The following NRP2 variants were observed in gnomAD, a reference collection of about 807,000 sequenced individuals.
NRP2 encodes neuropilin 2, also known as neuropilin-2.
Under a neutral mutation model 110.4 loss-of-function variants are expected in NRP2, and 52 were observed. That is an observed-to-expected ratio of 0.47 (90% confidence interval 0.38 to 0.59). The LOEUF (loss-of-function observed/expected upper bound fraction) is 0.59. Among genes scored for constraint, NRP2 ranks in the 20% least tolerant of loss-of-function variants. The pLI, the probability that NRP2 is intolerant of heterozygous loss-of-function variation, is 0.00. For synonymous variants in NRP2, 508 were observed against 468.9 expected, an observed-to-expected ratio of 1.08 and a Z score of -1.08; for missense variants, 1,049 against 1,203.0, an observed-to-expected ratio of 0.87 and a Z score of 1.89.
intron 12 of NRP2, 93 bp downstream of exon 12, chr2:205,753,068 C>T: frequency 1.3e-6 from 2 of 1,500,538 alleles, no homozygotes; most frequent in South Asian, 2.3e-5. Flanking sequence ...TCATAACTTC[C>T]CACCGCACAG....
chr2:205,777,021 C>T lies in NRP2; in HGVS notation c.2425+10218C>T, dbSNP rs529912487. 4.6e-5 allele frequency: 47 copies of T among 1,024,474 alleles called. No individual in the cohort carries two copies. In the African/African-American group the frequency reaches 6.5e-4, roughly 14 times the overall value. 63.5% of individuals were successfully genotyped at this position (1,024,474 alleles called of 1,614,324 possible). On this transcript the variant is annotated intron_variant, in intron 15 of 16. Coordinates refer to ENST00000357785, the MANE Select transcript of NRP2 (RefSeq NM_003872.3). ...CTGGTTCATTGTGTGTGTGTTTGGG[C>T]GAGGGGTGAGTGTTCAGAGAGGGCC...
chr2:205,703,426 A>G (rs2056604033), intron 2 of NRP2, among the ~76,000 whole-genome samples: 2 of 152,220 alleles, frequency 1.3e-5, no homozygotes. Flanking sequence ...TACTCTTTCC[A>G]TTTTACAGAT....
chr2:205,712,812 ACT>A lies in NRP2; in HGVS notation c.252-3378_252-3377del, dbSNP rs1480453417. The stretch of plus-strand genomic sequence containing the variant: ...GGGGGATTTCAGCTGCCGAACTGTA[ACT>A]CTGTGTCACTTCCCCTCAAGCAAAC... On this transcript the variant is annotated intron_variant, in intron 2 of 16. Coordinates refer to ENST00000357785, the MANE Select transcript of NRP2 (RefSeq NM_003872.3). 2.6e-5 allele frequency among the ~76,000 whole-genome samples: 4 copies of A among 152,180 alleles called. No individual in the cohort carries two copies. The East Asian group carries it at 5.8e-4, about 22-fold the overall frequency.
At chr2:205,766,838 T>G (rs1410896866) in intron 15 of NRP2, 35 bp downstream of exon 15, 1 of 1,597,476 alleles carries the variant, frequency 6.3e-7, no homozygotes, top group Non-Finnish European at 8.5e-7. Flanking sequence ...AATTTTTTTT[T>G]TGCATGCTTT....
At chr2:205,734,396 A>ACCCACCCCCCCCCC (rs2057302132) in intron 7 of NRP2, among the ~76,000 whole-genome samples, 1 of 77,278 alleles carries the variant, frequency 1.3e-5, no homozygotes, top group Admixed American at 1.3e-4. Flanking sequence ...ATCATTTCCC[A>ACCCACCCCCCCCCC]CCGCCCCCCC....
intron 14 of NRP2, among the ~76,000 whole-genome samples, chr2:205,766,540 G>A (rs571893795): frequency 6.6e-6 from 1 of 152,254 alleles, no homozygotes; most frequent in African/African-American, 2.4e-5. Flanking sequence ...ATTTCTTGAT[G>A]AAGGACTTTT....
chr2:205,701,267 A>C (rs2056550555), intron 2 of NRP2: 1 of 152,374 alleles, frequency 6.6e-6, no homozygotes, highest in Non-Finnish European at 1.5e-5. Context: ...AAGCACTGGT[A>C]ATTTCTACCT....
intron 11 of NRP2, among the ~76,000 whole-genome samples, chr2:205,750,933 G>A (rs1335620983): frequency 6.6e-6 from 1 of 152,162 alleles, no homozygotes; most frequent in Non-Finnish European, 1.5e-5. Flanking sequence ...TTATGTGACT[G>A]AAAAAGCAAT....
In NRP2 at chr2:205,723,775, G is replaced by A. The variant is rs1352047955; in HGVS notation, c.665-10G>A. The A allele has an allele frequency of 4.3e-6, 7 of 1,614,094 alleles. No homozygotes were observed. In the South Asian group the frequency reaches 7.7e-5, roughly 18 times the overall value. On this transcript the variant is annotated splice_polypyrimidine_tract_variant and intron_variant, in intron 4 of 16. Coordinates refer to ENST00000357785, the MANE Select transcript of NRP2 (RefSeq NM_003872.3). ...ATTTCCACTGACTTCTCTTTGTCTTGAATGTCCAGTTGGCCCCCTGATTGG... is the reference window on the plus strand; with the variant it reads ...ATTTCCACTGACTTCTCTTTGTCTTAAATGTCCAGTTGGCCCCCTGATTGG...
Position 205,743,185 on chromosome 2 carries a change from TTCCTC to T in NRP2, c.1292-10_1292-6del. The T allele has an allele frequency of 2.5e-6, 4 of 1,607,946 alleles. No individual in the cohort carries two copies. The highest frequency in any genetic ancestry group is 3.4e-6 in the Non-Finnish European group (4 of 1,179,954). ...GGTGTCAGCCATGACCTCTTGTATC[TTCCTC>T]TCCTCTCTGCAGATGCTCCCTGCTC... On this transcript the variant is annotated splice_polypyrimidine_tract_variant and intron_variant, in intron 8 of 16. Coordinates refer to ENST00000357785, the MANE Select transcript of NRP2 (RefSeq NM_003872.3).
intron 12 of NRP2, among the ~76,000 whole-genome samples, chr2:205,760,535 G>A (rs2057803791): frequency 6.6e-6 from 1 of 152,144 alleles, no homozygotes; most frequent in South Asian, 2.1e-4. Flanking sequence ...CATGTCACTA[G>A]CATTAACTCC....
chr2:205,690,581 CA>C (rs2056291578), intron 1 of NRP2, among the ~76,000 whole-genome samples: 1 of 3,860 alleles, frequency 2.6e-4, no homozygotes, highest in Non-Finnish European at 4.1e-4. Context: ...GCTAAAAATA[CA>C]CACACACACA....
chr2:205,724,613 T>G (rs552097893), intron 5 of NRP2, among the ~76,000 whole-genome samples: 4 of 151,302 alleles, frequency 2.6e-5, no homozygotes, highest in Admixed American at 6.6e-5. Context: ...GACATGTGTT[T>G]CAAATATGCT....
chr2:205,714,101 A>T (rs563342657), intron 2 of NRP2, among the ~76,000 whole-genome samples: 2 of 152,320 alleles, frequency 1.3e-5, no homozygotes, highest in Admixed American at 1.3e-4. Context: ...GTTCACATTT[A>T]CTTAGCACTC....
chr2:205,693,177 A>G (rs1281578015), intron 1 of NRP2, among the ~76,000 whole-genome samples: 2 of 152,248 alleles, frequency 1.3e-5, no homozygotes, highest in Non-Finnish European at 2.9e-5. Flanking sequence ...TAAGAAATAA[A>G]TTATAAAGTA....
chr2:205,750,883 C>A (rs1361309892), intron 11 of NRP2, among the ~76,000 whole-genome samples: 2 of 151,968 alleles, frequency 1.3e-5, no homozygotes, highest in East Asian at 1.9e-4. Flanking sequence ...AAAATGGCTA[C>A]AAAGAAGAAT....
chr2:205,784,106 C>A (rs1443206222), intron 15 of NRP2, among the ~76,000 whole-genome samples: 1 of 152,116 alleles, frequency 6.6e-6, no homozygotes, highest in East Asian at 1.9e-4. Context: ...AAAGGCTCTG[C>A]TCCAGAATTG....
At chr2:205,716,117 C>T in intron 2 of NRP2, 76 bp from the exon 3 acceptor site, 3 of 1,457,058 alleles carry the variant, frequency 2.1e-6, no homozygotes, top group Non-Finnish European at 2.9e-6. Context: ...AATAGAGAGA[C>T]ATAAGTGGGA....
At chr2:205,700,894 AC>A (rs148295157) in intron 2 of NRP2, 18,523 of 365,362 alleles carry the variant, frequency 0.051, 585 homozygotes, top group Non-Finnish European at 0.064. Context: ...ACCAGAGGCC[AC>A]TGTGGTACTG....
Sources: allele counts gnomAD v4.1 joint callset (sites outside exome capture counted in the v4.1 genomes callset), GRCh38; gene constraint gnomAD v4.1.1; transcripts MANE v1.5; gene names NCBI Gene and HGNC (gene_info 2026-07-23, HGNC 2026-07-21).